VPS37A: variants seen among roughly 807,000 people sequenced by gnomAD.
The protein encoded by VPS37A is VPS37A subunit of ESCRT-I.
Under a neutral mutation model 49.8 loss-of-function variants are expected in VPS37A, and 30 were observed. The observed-to-expected ratio is 0.60, with a 90% confidence interval of 0.45 to 0.82. The LOEUF is 0.82. Among genes scored for constraint, VPS37A ranks in the 40% least tolerant of loss-of-function variants. The pLI, the probability that VPS37A is intolerant of heterozygous loss-of-function variation, is 0.00. For synonymous variants in VPS37A, 195 were observed against 160.6 expected, an observed-to-expected ratio of 1.21 and a Z score of -1.62; for missense variants, 593 against 464.4, an observed-to-expected ratio of 1.28 and a Z score of -2.55.
chr8:17,249,823 C>T (rs1238343297), intron 1 of VPS37A, among the ~76,000 whole-genome samples: 1 of 152,210 alleles, frequency 6.6e-6, no homozygotes, highest in Non-Finnish European at 1.5e-5. Context: ...TTTTACACTG[C>T]ATGGGAGCCT....
the VPS37A span, among the ~76,000 whole-genome samples, chr8:17,314,349 C>G: frequency 0.011 from 1,711 of 152,146 alleles, 30 homozygotes; most frequent in African/African-American, 0.038. Context: ...TTTTTCTACC[C>G]CCAACTCCAT....
Position 17,247,034 on chromosome 8 carries a change from A to C in VPS37A, c.-211A>C, listed in dbSNP as rs1388176621. The stretch of plus-strand genomic sequence containing the variant: ...GGTGGGACCTCCTGTTCCGGGCCGC[A>C]AGTTTCCCTCTCCAGCCGCCCGCCG... On this transcript the variant is annotated 5_prime_UTR_variant, in exon 1 of 12. Transcript: ENST00000324849. The C allele has an allele frequency of 4.2e-5, 27 of 637,372 alleles. No individual in the cohort carries two copies. The highest frequency in any genetic ancestry group is 5.3e-6 in the Non-Finnish European group (2 of 376,234). 39.5% of individuals were successfully genotyped at this position (637,372 alleles called of 1,614,324 possible).
Position 17,247,487 on chromosome 8 carries a change from C to T in VPS37A, c.125+118C>T, listed in dbSNP as rs894574584. The T allele has an allele frequency of 1.0e-5, 14 of 1,397,170 alleles. No homozygotes were observed. In the African/African-American group the frequency reaches 1.4e-4, roughly 14 times the overall value. 86.5% of individuals were successfully genotyped at this position (1,397,170 alleles called of 1,614,324 possible). On this transcript the variant is annotated intron_variant, in intron 1 of 11. Coordinates refer to ENST00000324849, the MANE Select transcript of VPS37A (RefSeq NM_152415.3). ...ACCAGCTCCTCATGTGGTTTACCTCCCTTGGTTGTGGGTCACACGCTTGCT... is the reference window on the plus strand; with the variant it reads ...ACCAGCTCCTCATGTGGTTTACCTCTCTTGGTTGTGGGTCACACGCTTGCT...
intron 6 of VPS37A, among the ~76,000 whole-genome samples, chr8:17,278,065 T>G (rs1057029374): frequency 1.3e-5 from 2 of 152,122 alleles, no homozygotes; most frequent in African/African-American, 4.8e-5. Flanking sequence ...TGTTTTTTCC[T>G]TAGTGCCTCC....
downstream of VPS37A, chr8:17,304,305 T>C: frequency 2.0e-6 from 3 of 1,532,692 alleles, no homozygotes; most frequent in Non-Finnish European, 2.7e-6. Flanking sequence ...TCATACACTT[T>C]GACCTCTGAA....
At chr8:17,330,434 C>T in the VPS37A span, among the ~76,000 whole-genome samples, 1 of 152,254 alleles carries the variant, frequency 6.6e-6, no homozygotes, top group Non-Finnish European at 1.5e-5. Context: ...TGGTAGACTA[C>T]AGCGACAGAT....
intron 1 of VPS37A, among the ~76,000 whole-genome samples, chr8:17,265,422 A>G (rs1813355109): frequency 6.6e-6 from 1 of 152,142 alleles, no homozygotes; most frequent in African/African-American, 2.4e-5. Flanking sequence ...AAAAGGGGAT[A>G]TTTGTTTTTG....
chr8:17,248,219 C>G (rs933612945), intron 1 of VPS37A: 7 of 417,100 alleles, frequency 1.7e-5, no homozygotes, highest in Admixed American at 3.0e-5. Context: ...CAGTTTCACA[C>G]TATTTTAAAT....
rs1341406561 is a variant in VPS37A at position 17,246,986 on chromosome 8, G to T, written c.-259G>T. On this transcript the variant is annotated 5_prime_UTR_variant, in exon 1 of 12. Transcript: ENST00000324849. ...GGGCGGCCAGGCTCCCTGGCTGGCC[G>T]GTTTGGGCGTCTGGGCCGTGAAGGT... 3 of 492,326 alleles carry T rather than the reference G, an allele frequency of 6.1e-6. No individual in the cohort carries two copies. In the African/African-American group the frequency reaches 6.1e-5, roughly 10 times the overall value. The allele number at this position is 492,326 out of a possible 1,614,324, so 30.5% of individuals were successfully genotyped here.
At chr8:17,315,975 T>C in the VPS37A span, among the ~76,000 whole-genome samples, 1 of 152,230 alleles carries the variant, frequency 6.6e-6, no homozygotes, top group African/African-American at 2.4e-5. Flanking sequence ...ATCTTGCCAC[T>C]GCACTCCATC....
chr8:17,275,946 A>C (rs536535484), intron 5 of VPS37A, among the ~76,000 whole-genome samples: 5 of 152,300 alleles, frequency 3.3e-5, no homozygotes, highest in African/African-American at 1.2e-4. Flanking sequence ...AGGGTCCTCA[A>C]GGATAAAAAG....
chr8:17,300,027 G>A, downstream of VPS37A: 1 of 1,614,114 alleles, frequency 6.2e-7, no homozygotes, highest in Admixed American at 1.7e-5. Context: ...GATTGTCTTG[G>A]GTTAGAATCA....
chr8:17,311,675 G>T, the VPS37A span: 1 of 1,613,004 alleles, frequency 6.2e-7, no homozygotes, highest in Non-Finnish European at 8.5e-7. Context: ...ACAAAGAATG[G>T]CTGTAAAAAG....
intron 11 of VPS37A, among the ~76,000 whole-genome samples, chr8:17,290,715 C>T (rs1295928630): frequency 1.3e-5 from 2 of 152,162 alleles, no homozygotes; most frequent in Admixed American, 6.5e-5. Flanking sequence ...GGAGGAGTCC[C>T]TCTTTTTCTG....
At chr8:17,328,169 G>A in the VPS37A span, among the ~76,000 whole-genome samples, 1 of 152,164 alleles carries the variant, frequency 6.6e-6, no homozygotes, top group Non-Finnish European at 1.5e-5. Flanking sequence ...ATTGGCAGAG[G>A]AGGAAGATGT....
intron 4 of VPS37A, among the ~76,000 whole-genome samples, chr8:17,273,126 A>G (rs1395851713): frequency 7.5e-6 from 1 of 132,552 alleles, no homozygotes; most frequent in South Asian, 2.3e-4. Flanking sequence ...ATTATTCCTT[A>G]TAGCCACAAA....
intron 1 of VPS37A, among the ~76,000 whole-genome samples, chr8:17,264,012 T>G (rs952974638): frequency 4.6e-5 from 7 of 152,192 alleles, no homozygotes; most frequent in African/African-American, 9.6e-5. Context: ...ACATGCCTAT[T>G]TAATAATAGC....
chr8:17,286,599 T>G, intron 11 of VPS37A, 172 bp downstream of exon 11: 1 of 526,546 alleles, frequency 1.9e-6, no homozygotes, highest in Non-Finnish European at 3.3e-6. Context: ...TATAAACATA[T>G]AACTAGTAGA....
intron 1 of VPS37A, among the ~76,000 whole-genome samples, chr8:17,260,344 T>G (rs929668748): frequency 6.6e-6 from 1 of 152,188 alleles, no homozygotes; most frequent in Non-Finnish European, 1.5e-5. Context: ...ATTTATGCCT[T>G]AATTCCTTCT....
Sources: allele counts gnomAD v4.1 joint callset (sites outside exome capture counted in the v4.1 genomes callset), GRCh38; gene constraint gnomAD v4.1.1; transcripts MANE v1.5; gene names NCBI Gene and HGNC (gene_info 2026-07-23, HGNC 2026-07-21).